The following FIP1L1 variants were observed in gnomAD, a reference collection of about 807,000 sequenced individuals.
The protein encoded by FIP1L1 is pre-mRNA 3'-end-processing factor FIP1.
Under a neutral mutation model 84.6 loss-of-function variants are expected in FIP1L1, and 21 were observed. The ratio of observed to expected loss-of-function variants is 0.25; its 90% confidence interval spans 0.18 to 0.36. The LOEUF is 0.36. Among genes scored for constraint, FIP1L1 ranks in the 10% least tolerant of loss-of-function variants. The pLI is 1.00. For synonymous variants in FIP1L1, 263 were observed against 242.3 expected, an observed-to-expected ratio of 1.09 and a Z score of -0.80; for missense variants, 526 against 751.1, an observed-to-expected ratio of 0.70 and a Z score of 3.50.
intron 5 of FIP1L1, among the ~76,000 whole-genome samples, chr4:53,389,409 T>A (rs1165069282): frequency 6.6e-6 from 1 of 152,152 alleles, no homozygotes; most frequent in African/African-American, 2.4e-5. Flanking sequence ...TACAGTAGAA[T>A]GTTGAGTTAT....
In FIP1L1 at chr4:53,460,774, G is replaced by C; in HGVS notation, c.*1325G>C. 1.1e-6 allele frequency: 1 copy of C among 921,648 alleles called. No individual in the cohort carries two copies. The highest frequency in any genetic ancestry group is 1.8e-5 in the African/African-American group (1 of 56,764). 57.1% of individuals were successfully genotyped at this position (921,648 alleles called of 1,614,324 possible). A position where few individuals can be genotyped will look rare whatever the true frequency, so the allele number is the denominator to read the frequency against. On this transcript the variant is annotated 3_prime_UTR_variant, in exon 18 of 18. Transcript: ENST00000337488. ...TCTGAGGTGTAACTGGCTTTCATTA[G>C]ATGATCATACTTTTCCTGACATTTT...
At chr4:53,386,753 G>A (rs971133579) in intron 5 of FIP1L1, among the ~76,000 whole-genome samples, 1 of 152,162 alleles carries the variant, frequency 6.6e-6, no homozygotes, top group African/African-American at 2.4e-5. Context: ...GAAGGAGTTA[G>A]GATGCTTTTG....
Position 53,377,922 on chromosome 4 carries a change from C to A in FIP1L1, c.84C>A (p.Gly28=), listed in dbSNP as rs780683372. 4 of 1,589,754 alleles carry A rather than the reference C, an allele frequency of 2.5e-6. No homozygotes were observed. In the African/African-American group the frequency reaches 4.0e-5, roughly 16 times the overall value. Residue 28 remains glycine, a splice_region_variant and synonymous_variant, in exon 1 of 18, where the codon GGC becomes GGA. Coordinates refer to ENST00000337488, the MANE Select transcript of FIP1L1 (RefSeq NM_030917.4). The part of the protein sequence containing the change: ...GGDEEEEWLY[G]GPWDVHVHSD... ...ATGAGGAGGAAGAGTGGCTCTATGG[C>A]GGTACGAAACTTCCTGTCTCTGTCT...
intron 14 of FIP1L1, among the ~76,000 whole-genome samples, chr4:53,443,144 A>T (rs1390144017): frequency 6.6e-6 from 1 of 152,122 alleles, no homozygotes; most frequent in Non-Finnish European, 1.5e-5. Context: ...ACAAAGAAGG[A>T]TTAGATCCAT....
chr4:53,442,549 A>T, intron 13 of FIP1L1, 104 bp from the exon 14 acceptor site: 1 of 749,684 alleles, frequency 1.3e-6, no homozygotes. Context: ...AGAGAAGCAC[A>T]TTCATATCCC....
At chr4:53,437,787 G>A (rs1451589553) in intron 13 of FIP1L1, among the ~76,000 whole-genome samples, 2 of 151,588 alleles carry the variant, frequency 1.3e-5, no homozygotes, top group Admixed American at 6.6e-5. Context: ...GTGCAGTGGC[G>A]CGACCTCGGC....
chr4:53,417,075 A>C (rs1485490346), intron 11 of FIP1L1, among the ~76,000 whole-genome samples: 3 of 152,154 alleles, frequency 2.0e-5, no homozygotes, highest in Non-Finnish European at 4.4e-5. Flanking sequence ...TTGACTTAGA[A>C]GTTTTTATTT....
At chr4:53,420,197 CAAA>C (rs1166566869) in intron 11 of FIP1L1, among the ~76,000 whole-genome samples, 9 of 17,546 alleles carry the variant, frequency 5.1e-4, no homozygotes, top group South Asian at 3.8e-3. Flanking sequence ...GACTCCGTCT[CAAA>C]AAAAAAAAAA....
intron 11 of FIP1L1, among the ~76,000 whole-genome samples, chr4:53,421,984 A>G (rs778940192): frequency 7.2e-5 from 11 of 152,350 alleles, no homozygotes; most frequent in Non-Finnish European, 1.0e-4. Context: ...CTAGATACAC[A>G]GACCACGTTG....
intron 13 of FIP1L1, among the ~76,000 whole-genome samples, chr4:53,429,531 A>G (rs1397415553): frequency 6.6e-6 from 1 of 152,216 alleles, no homozygotes; most frequent in Non-Finnish European, 1.5e-5. Flanking sequence ...GGTAGAAATA[A>G]TTAATGTTTC....
intron 10 of FIP1L1, among the ~76,000 whole-genome samples, chr4:53,401,228 GT>G (rs561789190): frequency 1.3e-3 from 193 of 152,310 alleles, no homozygotes; most frequent in Non-Finnish European, 2.2e-3. Flanking sequence ...AAAATCAATA[GT>G]TTTTCTGTAC....
In FIP1L1 at chr4:53,378,080, C is replaced by CCT; in HGVS notation, c.85+158_85+159insTC. On this transcript the variant is annotated intron_variant, in intron 1 of 17. Transcript: ENST00000337488. ...AGGCCGAGCGCGGCGTGCGCGTGCCCCCAGTCCCCGCGGCGGTCTCCCGCC... is the reference window on the plus strand; with the variant it reads ...AGGCCGAGCGCGGCGTGCGCGTGCCCCTCCAGTCCCCGCGGCGGTCTCCCGCC... 5 of 590,034 alleles carry CCT rather than the reference C, an allele frequency of 8.5e-6. No individual in the cohort carries two copies. The South Asian group carries it at 1.7e-4, about 20-fold the overall frequency. 36.5% of individuals were successfully genotyped at this position (590,034 alleles called of 1,614,324 possible).
intron 11 of FIP1L1, among the ~76,000 whole-genome samples, chr4:53,419,156 G>A (rs946353209): frequency 2.0e-5 from 3 of 152,150 alleles, no homozygotes; most frequent in African/African-American, 7.2e-5. Flanking sequence ...ACAAAAGTGA[G>A]TAAACTTGTT....
At chr4:53,387,902 A>G (rs1486977518) in intron 5 of FIP1L1, among the ~76,000 whole-genome samples, 2 of 152,222 alleles carry the variant, frequency 1.3e-5, no homozygotes, top group African/African-American at 4.8e-5. Context: ...CCAGCTCCTC[A>G]TACTTTTTCC....
intron 10 of FIP1L1, among the ~76,000 whole-genome samples, chr4:53,414,282 A>T (rs1195124899): frequency 6.6e-6 from 1 of 152,154 alleles, no homozygotes; most frequent in Admixed American, 6.5e-5. Context: ...GCAAAAATTA[A>T]TATTAAGAAT....
Position 53,428,108 on chromosome 4 carries a change from A to G in FIP1L1, c.1099A>G (p.Thr367Ala), listed in dbSNP as rs1268923743. Reference protein sequence around the residue: ...PPFFPPGAPPTHLPPPPFLPP... With the variant: ...PPFFPPGAPPAHLPPPPFLPP... ...GTTTTTCCCTCCAGGAGCTCCTCCCACTCACCTTCCACCTCCTCCATTTCT... is the reference window on the plus strand; with the variant it reads ...GTTTTTCCCTCCAGGAGCTCCTCCCGCTCACCTTCCACCTCCTCCATTTCT... Residue 367 changes from threonine to alanine, a missense_variant, in exon 13 of 18, where the codon ACT becomes GCT. Physicochemically the swap from Thr to Ala is moderately conservative, Grantham distance 58. Around this residue, in one of 6 missense-constraint regions of FIP1L1, gnomAD observed 80 missense variants for 151.1 expected, o/e 0.53. Coordinates refer to ENST00000337488, the MANE Select transcript of FIP1L1 (RefSeq NM_030917.4). 1 of 1,610,122 alleles carries G rather than the reference A, an allele frequency of 6.2e-7. No individual in the cohort carries two copies. Among genetic ancestry groups the G allele is most frequent in the Admixed American group, 1.7e-5 (1 of 59,932 alleles).
At chr4:53,411,608 A>G (rs952579305) in intron 10 of FIP1L1, among the ~76,000 whole-genome samples, 1 of 152,214 alleles carries the variant, frequency 6.6e-6, no homozygotes, top group African/African-American at 2.4e-5. Flanking sequence ...TGCACAGTAG[A>G]TGTTTAAGAC....
chr4:53,456,183 A>G (rs555458977), intron 16 of FIP1L1, among the ~76,000 whole-genome samples: 1 of 152,292 alleles, frequency 6.6e-6, no homozygotes, highest in East Asian at 1.9e-4. Context: ...AAAACTTGAT[A>G]GGAAATAAGA....
chr4:53,459,643 A>G lies in FIP1L1; in HGVS notation c.*194A>G. Reference sequence around the variant, plus strand: ...AAAATCTTTGTCTTGTACTATTTCAAAAATAAAAAGACAGCAATGACTTTA... The same window carrying G: ...AAAATCTTTGTCTTGTACTATTTCAGAAATAAAAAGACAGCAATGACTTTA... On this transcript the variant is annotated 3_prime_UTR_variant, in exon 18 of 18. Coordinates refer to ENST00000337488, the MANE Select transcript of FIP1L1 (RefSeq NM_030917.4). The G allele has an allele frequency of 2.7e-6, 2 of 733,438 alleles. No individual in the cohort carries two copies. Among genetic ancestry groups the G allele is most frequent in the Non-Finnish European group, 4.4e-6 (2 of 451,734 alleles). The allele number at this position is 733,438 out of a possible 1,614,324, so 45.4% of individuals were successfully genotyped here. A position where few individuals can be genotyped will look rare whatever the true frequency, so the allele number is the denominator to read the frequency against.
Sources: gnomAD v4.1 joint callset for allele counts (sites outside exome capture counted in the v4.1 genomes callset) on GRCh38, gnomAD v4.1.1 for gene constraint, gnomAD v4.1.1 regional missense constraint, MANE v1.5 for transcripts, NCBI Gene and HGNC (gene_info 2026-07-23, HGNC 2026-07-21) for gene names.